Variants in COL22A1 observed in about 807,000 individuals in gnomAD.
COL22A1 encodes the protein collagen alpha-1(XXII) chain.
COL22A1 carries 221 observed loss-of-function variants against 248.9 expected under a neutral mutation model. The ratio of observed to expected loss-of-function variants is 0.89; its 90% CI spans 0.80 to 0.99. The LOEUF is 0.99. COL22A1 is among the 50% of genes least tolerant of loss of function. COL22A1 has a pLI of 0.00. For synonymous variants in COL22A1, 891 were observed against 793.4 expected, an observed-to-expected ratio of 1.12 and a Z score of -2.07; for missense variants, 2,240 against 2,179.0, an observed-to-expected ratio of 1.03 and a Z score of -0.56.
intron 3 of COL22A1, among the ~76,000 whole-genome samples, chr8:138,867,299 C>A (rs936398620): frequency 6.6e-6 from 1 of 152,148 alleles, no homozygotes; most frequent in Non-Finnish European, 1.5e-5. Flanking sequence ...TGGACCAGTT[C>A]CCCATGCAGA....
In COL22A1 at chr8:138,623,746, G is replaced by T; in HGVS notation, c.3757C>A (p.Pro1253Thr). ...GKEGRDGKPG[P>T]PGEPGKAGEP... The stretch of plus-strand genomic sequence containing the variant: ...GAGTCCTTTACCGGCTCTCCAGGGG[G>T]ACCCGGCTTTCCATCTCTGCCCTCT... Residue 1253 changes from proline (P) to threonine (T), a missense_variant, in exon 52 of 65, where the codon CCC becomes ACC. By Grantham distance (38) the Pro-to-Thr change is conservative. Transcript: ENST00000303045. The T allele has an allele frequency of 6.2e-7, 1 of 1,612,114 alleles. No individual in the cohort carries two copies. Among genetic ancestry groups the T allele is most frequent in the Non-Finnish European group, 8.5e-7 (1 of 1,179,142 alleles).
rs1440334128 is a variant in COL22A1, at chr8:138,802,057, A to G, written c.1557+815T>C. On this transcript the variant is annotated intron_variant, in intron 11 of 64. Transcript: ENST00000303045. Reference sequence around the variant, plus strand: ...AGGACAGGGACTGACTGCACTCACTACTGTTCTAAACCATTTACATGCATC... The same window carrying G: ...AGGACAGGGACTGACTGCACTCACTGCTGTTCTAAACCATTTACATGCATC... Among the ~76,000 whole-genome samples, 5 of 152,288 alleles carry G rather than the reference A, an allele frequency of 3.3e-5. 1 individual carries two copies. Among genetic ancestry groups the G allele is most frequent in the Admixed American group, 3.3e-4 (5 of 15,306 alleles).
chr8:138,589,049 T>A lies in COL22A1; in HGVS notation c.*204A>T. On this transcript the variant is annotated 3_prime_UTR_variant, in exon 65 of 65. Transcript: ENST00000303045. ...TAATAATTAACAACAACAATAATAT[T>A]AATAATAATCTGACCGACCGGCAGC... The A allele has an allele frequency of 7.5e-6, 4 of 530,424 alleles. No individual in the cohort carries two copies. Among genetic ancestry groups the A allele is most frequent in the Non-Finnish European group, 1.3e-5 (4 of 302,212 alleles). The allele number at this position is 530,424 out of a possible 1,614,324, so 32.9% of individuals were successfully genotyped here.
chr8:138,751,805 C>T (rs1323020824), intron 21 of COL22A1, among the ~76,000 whole-genome samples: 1 of 152,232 alleles, frequency 6.6e-6, no homozygotes, highest in Non-Finnish European at 1.5e-5. Flanking sequence ...ACAAAGCACA[C>T]AGAAGCGAAC....
intron 58 of COL22A1, among the ~76,000 whole-genome samples, chr8:138,605,008 G>C (rs1241230065): frequency 6.6e-6 from 1 of 152,086 alleles, no homozygotes; most frequent in Non-Finnish European, 1.5e-5. Context: ...TCAATGGGAT[G>C]GATATGACTC....
chr8:138,805,236 G>T (rs970875088), intron 10 of COL22A1, among the ~76,000 whole-genome samples: 26 of 149,238 alleles, frequency 1.7e-4, no homozygotes, highest in African/African-American at 5.9e-4. Context: ...GTGAGATGGT[G>T]TGTGATGGTG....
intron 7 of COL22A1, among the ~76,000 whole-genome samples, chr8:138,817,886 C>T (rs141671210): frequency 3.0e-3 from 458 of 152,206 alleles, no homozygotes; most frequent in African/African-American, 0.01. Context: ...GGAAACAGCA[C>T]CAGAGAGGCT....
chr8:138,767,058 G>T (rs1833965616), intron 16 of COL22A1, among the ~76,000 whole-genome samples: 1 of 152,208 alleles, frequency 6.6e-6, no homozygotes, highest in African/African-American at 2.4e-5. Context: ...CTCCAGCTGT[G>T]TGACCTTGGA....
intron 50 of COL22A1, among the ~76,000 whole-genome samples, chr8:138,628,917 C>T (rs1820482732): frequency 6.6e-6 from 1 of 151,964 alleles, no homozygotes; most frequent in Admixed American, 6.6e-5. Flanking sequence ...AGGCACATAT[C>T]ACCACGCCCA....
chr8:138,769,187 C>T (rs1366403690), intron 16 of COL22A1, among the ~76,000 whole-genome samples: 1 of 152,122 alleles, frequency 6.6e-6, no homozygotes. Flanking sequence ...TCTTCTACCC[C>T]CTGCAGGGCC....
chr8:138,646,574 A>C, intron 47 of COL22A1, 55 bp downstream of exon 47: 4 of 1,334,814 alleles, frequency 3.0e-6, no homozygotes, highest in Non-Finnish European at 4.1e-6. Flanking sequence ...AATTGAGATT[A>C]ACCATTGAGA....
chr8:138,702,357 G>A (rs1382841504), intron 31 of COL22A1, among the ~76,000 whole-genome samples: 2 of 152,202 alleles, frequency 1.3e-5, no homozygotes, highest in Non-Finnish European at 2.9e-5. Flanking sequence ...GAGCATTGCT[G>A]GGGAGGAGAC....
Position 138,635,005 on chromosome 8 carries a change from C to T in COL22A1, c.3609+5G>A, listed in dbSNP as rs1821029049. 1 of 1,592,928 alleles carries T rather than the reference C, an allele frequency of 6.3e-7. No homozygotes were observed. Among genetic ancestry groups the T allele is most frequent in the South Asian group, 1.1e-5 (1 of 90,390 alleles). On this transcript the variant is annotated splice_donor_5th_base_variant and intron_variant, in intron 49 of 64. Transcript: ENST00000303045. ...AAGAGGAGGGGATTAAAGATGATTA[C>T]TTACTGGTGGCCCAGGGTTCCCTGG...
intron 51 of COL22A1, 92 bp from the exon 52 acceptor site, chr8:138,623,877 T>A: frequency 2.8e-6 from 3 of 1,075,050 alleles, no homozygotes; most frequent in Non-Finnish European, 2.7e-6. Flanking sequence ...CCTGCCCAGC[T>A]TCCAGCAGTT....
At chr8:138,780,235 C>A (rs978349184) in intron 13 of COL22A1, among the ~76,000 whole-genome samples, 1 of 152,148 alleles carries the variant, frequency 6.6e-6, no homozygotes, top group Admixed American at 6.5e-5. Flanking sequence ...CCAAGTAACT[C>A]CCCTTTCTCC....
At chr8:138,628,212 G>T (rs79926601) in intron 50 of COL22A1, among the ~76,000 whole-genome samples, 6,394 of 150,746 alleles carry the variant, frequency 0.042, 212 homozygotes, top group South Asian at 0.11. Flanking sequence ...CAAACAGTTT[G>T]TCTTTTAATT....
intron 49 of COL22A1, among the ~76,000 whole-genome samples, chr8:138,631,866 C>T (rs1352122256): frequency 6.6e-6 from 1 of 152,102 alleles, no homozygotes; most frequent in Non-Finnish European, 1.5e-5. Flanking sequence ...ATCTGACATG[C>T]TAGTGTTTAT....
chr8:138,815,421 C>T (rs1180236682), intron 7 of COL22A1, among the ~76,000 whole-genome samples: 1 of 152,152 alleles, frequency 6.6e-6, no homozygotes, highest in African/African-American at 2.4e-5. Context: ...ATCTCTCGCT[C>T]TCCCCAGGCC....
At chr8:138,670,698 G>A (rs778667589) in intron 41 of COL22A1, among the ~76,000 whole-genome samples, 1 of 152,092 alleles carries the variant, frequency 6.6e-6, no homozygotes, top group African/African-American at 2.4e-5. Context: ...GGTGGCTCAC[G>A]TTTGTAATTC....
Sources: allele counts gnomAD v4.1 joint callset (sites outside exome capture counted in the v4.1 genomes callset), GRCh38; gene constraint gnomAD v4.1.1; transcripts MANE v1.5; gene names NCBI Gene and HGNC (gene_info 2026-07-23, HGNC 2026-07-21).